Variants in RUNX3 observed in about 807,000 individuals in gnomAD.
The protein encoded by RUNX3 is runt-related transcription factor 3.
Under a neutral mutation model 27.7 loss-of-function variants are expected in RUNX3, and 10 were observed. That is an observed-to-expected ratio of 0.36 (90% CI 0.22 to 0.61). The LOEUF is 0.61. Among genes scored for constraint, RUNX3 ranks in the 20% least tolerant of loss-of-function variants. The probability of loss-of-function intolerance (pLI) is 0.72; values close to 1 mark genes in which losing one functional copy is unlikely to be tolerated. For synonymous variants in RUNX3, 270 were observed against 269.2 expected (o/e 1.00, Z -0.03); for missense variants, 469 against 629.5 (o/e 0.75, Z 2.73).
chr1:24,955,010 A>G (rs1406968730), intron 2 of RUNX3, among the ~76,000 whole-genome samples: 1 of 151,920 alleles, frequency 6.6e-6, no homozygotes, highest in Non-Finnish European at 1.5e-5. Context: ...CTCTCCCTCA[A>G]GCCCTCCACA....
intron 3 of RUNX3, among the ~76,000 whole-genome samples, chr1:24,914,082 A>C (rs1335124707): frequency 1.3e-5 from 2 of 152,250 alleles, no homozygotes; most frequent in African/African-American, 4.8e-5. Context: ...TGGAAAGGTC[A>C]CACATGGAGC....
intron 3 of RUNX3, among the ~76,000 whole-genome samples, chr1:24,915,382 C>T (rs965589274): frequency 6.6e-6 from 1 of 152,094 alleles, no homozygotes; most frequent in South Asian, 2.1e-4. Context: ...CGAGATCTTG[C>T]CACTGCACTC....
At chr1:24,942,527 G>A (rs567430064) in intron 2 of RUNX3, among the ~76,000 whole-genome samples, 8 of 152,280 alleles carry the variant, frequency 5.3e-5, no homozygotes, top group African/African-American at 1.9e-4. Context: ...AAGGTCTGTC[G>A]GAGCAGGTGA....
chr1:24,915,698 C>A (rs1266965738), intron 3 of RUNX3, among the ~76,000 whole-genome samples: 1 of 152,076 alleles, frequency 6.6e-6, no homozygotes, highest in Non-Finnish European at 1.5e-5. Flanking sequence ...AGTGCAAAGG[C>A]CCCCGAGGCA....
At position 24,929,668 on chromosome 1, in the gene RUNX3, C is replaced by G. The variant is rs1308061466; in HGVS notation, c.201G>C (p.Val67=). 1.9e-6 allele frequency: 3 copies of G among 1,599,514 alleles called. No individual in the cohort carries two copies. In the Admixed American group the frequency reaches 5.1e-5, roughly 27 times the overall value. The change falls in exon 1 of 5, where the codon GTG becomes GTC. Residue 67 remains valine (V), a synonymous_variant. Coordinates refer to ENST00000308873, the MANE Select transcript of RUNX3 (RefSeq NM_004350.3). ...DVLADHAGEL[V]RTDSPNFLCS... ...AGAGGAAGTTGGGGCTGTCGGTGCG[C>G]ACGAGCTCGCCTGCGTGGTCCGCCA... is the stretch of plus-strand genomic sequence containing the variant.
chr1:24,921,796 A>G (rs1255849386), intron 2 of RUNX3, among the ~76,000 whole-genome samples: 1 of 152,182 alleles, frequency 6.6e-6, no homozygotes, highest in African/African-American at 2.4e-5. Context: ...CCTAGGGGCC[A>G]GACTGGAGAC....
intron 2 of RUNX3, among the ~76,000 whole-genome samples, chr1:24,958,558 G>A (rs1642011378): frequency 6.6e-6 from 1 of 152,154 alleles, no homozygotes; most frequent in Non-Finnish European, 1.5e-5. Flanking sequence ...CCCAGCCCTA[G>A]GCCCGAGATT....
chr1:24,919,145 C>T (rs1359256182), intron 3 of RUNX3, 95 bp downstream of exon 3: 7 of 724,076 alleles, frequency 9.7e-6, no homozygotes, highest in Admixed American at 5.6e-5. Flanking sequence ...TGCAACCCCC[C>T]GAGGAGGGCT....
intron 3 of RUNX3, among the ~76,000 whole-genome samples, chr1:24,918,953 C>T (rs945812098): frequency 6.6e-6 from 1 of 152,228 alleles, no homozygotes; most frequent in African/African-American, 2.4e-5. Flanking sequence ...AAGCACCCGA[C>T]AAATGCCATA....
chr1:24,920,674 C>T (rs910377546), intron 2 of RUNX3, among the ~76,000 whole-genome samples: 5 of 152,190 alleles, frequency 3.3e-5, no homozygotes, highest in African/African-American at 1.2e-4. Context: ...CCATCAGTTT[C>T]CCCGGGCACA....
intron 2 of RUNX3, among the ~76,000 whole-genome samples, chr1:24,957,417 A>C (rs1641969148): frequency 6.6e-6 from 1 of 152,094 alleles, no homozygotes; most frequent in African/African-American, 2.4e-5. Context: ...TTCAGTGAGA[A>C]GGGCTGAATA....
At chr1:24,914,396 G>A (rs1640848103) in intron 3 of RUNX3, among the ~76,000 whole-genome samples, 1 of 152,248 alleles carries the variant, frequency 6.6e-6, no homozygotes, top group Non-Finnish European at 1.5e-5. Flanking sequence ...CGGCTCTGCG[G>A]CCTGTCAGGA....
At chr1:24,925,910 G>A (rs1022740680) in intron 2 of RUNX3, among the ~76,000 whole-genome samples, 6 of 152,084 alleles carry the variant, frequency 3.9e-5, no homozygotes, top group Non-Finnish European at 1.5e-5. Flanking sequence ...TGGGGAGGGG[G>A]GCTCAAGGTC....
chr1:24,953,555 G>A (rs1340245066), intron 2 of RUNX3, among the ~76,000 whole-genome samples: 1 of 152,150 alleles, frequency 6.6e-6, no homozygotes, highest in African/African-American at 2.4e-5. Context: ...TCAAGCGCTC[G>A]GGATTCACGT....
At chr1:24,944,092 C>T (rs77105859) in intron 2 of RUNX3, among the ~76,000 whole-genome samples, 8,272 of 152,180 alleles carry the variant, frequency 0.054, 236 homozygotes, top group South Asian at 0.077. Context: ...GTGAGTACTC[C>T]TGGAATGGGT....
rs146227330 is a variant in RUNX3 at position 24,923,011 on chromosome 1, G to A, written c.440-3667C>T. On this transcript the variant is annotated intron_variant, in intron 2 of 4. Transcript: ENST00000308873. The surrounding 1 kb of genome is among the most constrained non-coding windows in gnomAD (Gnocchi z 5.9). ...GTCTCCAGCCCCTAGGACGGCATCC[G>A]GCACAGAGTAGGTGCTCAACAACAT... Among the ~76,000 whole-genome samples the A allele has an allele frequency of 3.0e-3, 461 of 152,110 alleles. 2 individuals are homozygous for A. The highest frequency in any genetic ancestry group is 0.01 in the African/African-American group (429 of 41,464).
rs529877681 is a variant in RUNX3 at position 24,938,395 on chromosome 1, G to A, written c.59-8543C>T. ...AGGAAGGATCAGAGATTTGCCCACC[G>A]TCACAGAAGGTGCTTATTGACAAGT... On this transcript the variant is annotated intron_variant, in intron 2 of 6. Coordinates refer to the RUNX3 transcript ENST00000338888. 6.8e-4 allele frequency among the ~76,000 whole-genome samples: 103 copies of A among 152,316 alleles called. No homozygotes were observed. The Middle Eastern group carries it at 0.01, about 15-fold the overall frequency.
rs1459640769 is a variant in RUNX3, at chr1:24,962,396, TG to T, written c.58+2117del. On this transcript the variant is annotated intron_variant, in intron 2 of 6. Coordinates refer to the RUNX3 transcript ENST00000338888. The surrounding 1 kb of genome is among the most constrained non-coding windows in gnomAD (Gnocchi z 4.5). Reference sequence around the variant, plus strand: ...GTTCCCTGAGACTGCCAAGGGTCGGTGGGTTAGGGACCCTGTAGGGGGCAGC... The same window carrying T: ...GTTCCCTGAGACTGCCAAGGGTCGGTGGTTAGGGACCCTGTAGGGGGCAGC... 6.6e-6 allele frequency among the ~76,000 whole-genome samples: 1 copy of T among 152,204 alleles called. No individual in the cohort carries two copies. Among genetic ancestry groups the T allele is most frequent in the East Asian group, 1.9e-4 (1 of 5,194 alleles).
At chr1:24,910,685 C>T (rs1295894622) in intron 3 of RUNX3, among the ~76,000 whole-genome samples, 3 of 152,222 alleles carry the variant, frequency 2.0e-5, no homozygotes, top group African/African-American at 7.2e-5. Flanking sequence ...GCCACAGGGG[C>T]TCAGCCAGTC....
Sources: allele counts gnomAD v4.1 joint callset (sites outside exome capture counted in the v4.1 genomes callset), GRCh38; gene constraint gnomAD v4.1.1; non-coding constraint Gnocchi (gnomAD v3.1); transcripts MANE v1.5; gene names NCBI Gene and HGNC (gene_info 2026-07-23, HGNC 2026-07-21).